The following MFHAS1 variants were observed in gnomAD, a reference collection of about 807,000 sequenced individuals.
MFHAS1 encodes the protein malignant fibrous histiocytoma-amplified sequence 1.
MFHAS1 carries 50 observed loss-of-function variants against 70.4 expected under a neutral mutation model. The observed-to-expected ratio is 0.71, with a 90% CI of 0.57 to 0.90. MFHAS1 has a LOEUF of 0.90. Ranked by LOEUF, MFHAS1 falls within the 40% of genes least tolerant of loss-of-function variation. The pLI is 0.00. For synonymous variants in MFHAS1, 952 were observed against 620.0 expected, an observed-to-expected ratio of 1.54 and a Z score of -7.96; for missense variants, 1,795 against 1,347.6, an observed-to-expected ratio of 1.33 and a Z score of -5.20.
intron 1 of MFHAS1, among the ~76,000 whole-genome samples, chr8:8,812,179 T>C (rs1563184722): frequency 6.6e-6 from 1 of 150,946 alleles, no homozygotes. Context: ...CCCGTAAGTG[T>C]AGTGCAAAAT....
intron 1 of MFHAS1, among the ~76,000 whole-genome samples, chr8:8,851,527 G>A (rs1233413071): frequency 6.6e-6 from 1 of 152,152 alleles, no homozygotes; most frequent in East Asian, 1.9e-4. Flanking sequence ...TTGCTTGGCA[G>A]CTTAATTAAA....
chr8:8,859,337 C>A lies in MFHAS1; in HGVS notation c.2998+30724G>T, dbSNP rs551048988. The stretch of plus-strand genomic sequence containing the variant: ...CTAGCCTGGGTGACAGAGCAAGACT[C>A]TGTGCCCCTCACACCAAAAAAAAAA... On this transcript the variant is annotated intron_variant, in intron 1 of 2. Coordinates refer to ENST00000276282, the MANE Select transcript of MFHAS1 (RefSeq NM_004225.3). Among the ~76,000 whole-genome samples the A allele has an allele frequency of 5.9e-5, 9 of 152,266 alleles. No individual in the cohort carries two copies. In the South Asian group the frequency reaches 1.9e-3, roughly 32 times the overall value.
At chr8:8,795,303 A>T (rs1359530435) in intron 2 of MFHAS1, among the ~76,000 whole-genome samples, 1 of 152,238 alleles carries the variant, frequency 6.6e-6, no homozygotes, top group Non-Finnish European at 1.5e-5. Context: ...GTACAATTTC[A>T]AAGAAATTAA....
At chr8:8,843,142 G>C (rs1426312813) in intron 1 of MFHAS1, among the ~76,000 whole-genome samples, 4 of 151,964 alleles carry the variant, frequency 2.6e-5, no homozygotes, top group Non-Finnish European at 4.4e-5. Context: ...GGTGGCGGGC[G>C]CCTGTAGTCC....
At chr8:8,832,052 G>GCACACACA (rs1221795082) in intron 1 of MFHAS1, among the ~76,000 whole-genome samples, 16 of 35,810 alleles carry the variant, frequency 4.5e-4, no homozygotes, top group African/African-American at 6.9e-4. Flanking sequence ...ACATGCACGC[G>GCACACACA]CGCGCGCGCG....
intron 1 of MFHAS1, among the ~76,000 whole-genome samples, chr8:8,850,571 G>A (rs1044530596): frequency 6.6e-6 from 1 of 152,112 alleles, no homozygotes; most frequent in African/African-American, 2.4e-5. Context: ...GTCGGGTGCG[G>A]TAGCTCACGC....
chr8:8,848,892 T>C (rs1563202714), intron 1 of MFHAS1, among the ~76,000 whole-genome samples: 1 of 152,146 alleles, frequency 6.6e-6, no homozygotes, highest in Non-Finnish European at 1.5e-5. Context: ...TTAAATCAAG[T>C]TACCTTTTTT....
intron 1 of MFHAS1, among the ~76,000 whole-genome samples, chr8:8,824,498 A>C (rs1807080002): frequency 7.2e-6 from 1 of 138,198 alleles, no homozygotes; most frequent in Admixed American, 7.6e-5. Context: ...AGGGCAATGA[A>C]AGTCTTTCTC....
At chr8:8,832,062 G>GCACACACA (rs59984727) in intron 1 of MFHAS1, among the ~76,000 whole-genome samples, 3 of 149,490 alleles carry the variant, frequency 2.0e-5, no homozygotes, top group African/African-American at 7.5e-5. Context: ...GCGCGCGCGC[G>GCACACACA]CACACACACA....
At chr8:8,833,480 T>C (rs1222576120) in intron 1 of MFHAS1, among the ~76,000 whole-genome samples, 2 of 151,890 alleles carry the variant, frequency 1.3e-5, no homozygotes, top group African/African-American at 2.4e-5. Context: ...AAATTAAAAA[T>C]TAGCCAGGCG....
At chr8:8,787,133 T>G (rs549855308) in intron 2 of MFHAS1, among the ~76,000 whole-genome samples, 1 of 151,278 alleles carries the variant, frequency 6.6e-6, no homozygotes, top group East Asian at 1.9e-4. Context: ...CAGGCTGGAG[T>G]GCAGTGGCGC....
intron 1 of MFHAS1, among the ~76,000 whole-genome samples, chr8:8,855,170 C>G (rs1045406751): frequency 4.6e-5 from 7 of 152,194 alleles, no homozygotes; most frequent in African/African-American, 1.4e-4. Context: ...CCAGGCTGGT[C>G]TCGAACTCCT....
chr8:8,812,702 GT>G (rs1474321297), intron 1 of MFHAS1, among the ~76,000 whole-genome samples: 1 of 152,184 alleles, frequency 6.6e-6, no homozygotes, highest in African/African-American at 2.4e-5. Context: ...CTTTGTGCTT[GT>G]TTTTGCCATA....
chr8:8,862,001 G>T (rs902969162), intron 1 of MFHAS1, among the ~76,000 whole-genome samples: 3 of 152,156 alleles, frequency 2.0e-5, no homozygotes, highest in African/African-American at 7.2e-5. Context: ...ATGAACATTT[G>T]TGTATCTTTT....
At chr8:8,788,009 T>G (rs1805610902) in intron 2 of MFHAS1, among the ~76,000 whole-genome samples, 1 of 152,230 alleles carries the variant, frequency 6.6e-6, no homozygotes, top group Admixed American at 6.5e-5. Flanking sequence ...GTCCTCCTTC[T>G]TCAAGATCCA....
intron 1 of MFHAS1, among the ~76,000 whole-genome samples, chr8:8,839,454 T>C (rs1450770544): frequency 1.3e-5 from 2 of 152,174 alleles, no homozygotes; most frequent in Non-Finnish European, 2.9e-5. Flanking sequence ...TTAACAAATA[T>C]CACAGAAAGA....
chr8:8,785,062 G>C lies in MFHAS1; in HGVS notation c.*960C>G, dbSNP rs532299038. ...TGCTAATAAGTAATATGTTTGCAAAGTGCTCTGCTAAGTAAGGTACTTATT... is the reference window on the plus strand; with the variant it reads ...TGCTAATAAGTAATATGTTTGCAAACTGCTCTGCTAAGTAAGGTACTTATT... On this transcript the variant is annotated 3_prime_UTR_variant, in exon 3 of 3. Transcript: ENST00000276282. 6.6e-6 allele frequency: 1 copy of C among 152,254 alleles called. No individual in the cohort carries two copies. The highest frequency in any genetic ancestry group is 1.9e-4 in the East Asian group (1 of 5,180). The allele number at this position is 152,254 out of a possible 1,614,324, so 9.4% of individuals were successfully genotyped here.
chr8:8,816,905 C>CAT (rs1806768021), intron 1 of MFHAS1, among the ~76,000 whole-genome samples: 1 of 152,184 alleles, frequency 6.6e-6, no homozygotes, highest in African/African-American at 2.4e-5. Context: ...CAACTAAAGA[C>CAT]ATATATAAGC....
rs555747622 is a variant in MFHAS1 at position 8,801,843 on chromosome 8, T to A, written c.2999-4352A>T. On this transcript the variant is annotated intron_variant, in intron 1 of 2. Coordinates refer to ENST00000276282, the MANE Select transcript of MFHAS1 (RefSeq NM_004225.3). Reference sequence around the variant, plus strand: ...TGCAAAGAACTACAGTCCTGTATGATGAGGCCCCCAAGGAAATTTACAGGA... The same window carrying A: ...TGCAAAGAACTACAGTCCTGTATGAAGAGGCCCCCAAGGAAATTTACAGGA... Among the ~76,000 whole-genome samples the A allele has an allele frequency of 1.2e-3, 183 of 152,244 alleles. 1 individual carries two copies. Among genetic ancestry groups the A allele is most frequent in the Non-Finnish European group, 2.2e-3 (147 of 68,012 alleles).
Sources: gnomAD v4.1 joint callset for allele counts (sites outside exome capture counted in the v4.1 genomes callset) on GRCh38, gnomAD v4.1.1 for gene constraint, MANE v1.5 for transcripts, NCBI Gene and HGNC (gene_info 2026-07-23, HGNC 2026-07-21) for gene names.